ZNF536: variants seen among roughly 807,000 people sequenced by gnomAD.
ZNF536 encodes the protein zinc finger protein 536.
A neutral mutation model predicts 84.5 loss-of-function variants in ZNF536; 13 were observed. The ratio of observed to expected loss-of-function variants is 0.15; its 90% CI spans 0.10 to 0.24. The LOEUF (loss-of-function observed/expected upper bound fraction) is 0.24. Ranked by LOEUF, ZNF536 falls within the 10% of genes least tolerant of loss-of-function variation. The pLI is 1.00. For synonymous variants in ZNF536, 811 were observed against 742.5 expected, an observed-to-expected ratio of 1.09 and a Z score of -1.50; for missense variants, 1,536 against 1,747.5, an observed-to-expected ratio of 0.88 and a Z score of 2.16.
intron 2 of ZNF536, among the ~76,000 whole-genome samples, chr19:30,518,258 C>T (rs1370122433): frequency 2.0e-5 from 3 of 152,194 alleles, no homozygotes; most frequent in Non-Finnish European, 4.4e-5. Context: ...AAGGGCCAAG[C>T]ACTTACGAAG....
intron 1 of ZNF536, among the ~76,000 whole-genome samples, chr19:30,596,972 T>C (rs933511220): frequency 1.3e-5 from 2 of 152,346 alleles, no homozygotes; most frequent in Middle Eastern, 3.4e-3. Context: ...GGCTGTTTTC[T>C]TTTGCAATGC....
At chr19:30,634,582 G>A (rs576220436) in intron 1 of ZNF536, among the ~76,000 whole-genome samples, 16 of 152,186 alleles carry the variant, frequency 1.1e-4, no homozygotes, top group African/African-American at 3.9e-4. Flanking sequence ...GCTGACAGCC[G>A]GCATAATCGA....
rs537551303 is a variant in ZNF536 at position 30,299,611 on chromosome 19, G to T, written c.-120+15470G>T. ...TAAGATCACAATATGATTTTGGACTGATGATATTGGAATATGGCATTCACT... is the reference window on the plus strand; with the variant it reads ...TAAGATCACAATATGATTTTGGACTTATGATATTGGAATATGGCATTCACT... On this transcript the variant is annotated intron_variant, in intron 2 of 5. Coordinates refer to the ZNF536 transcript ENST00000585628. 5.3e-5 allele frequency among the ~76,000 whole-genome samples: 8 copies of T among 152,266 alleles called. No homozygotes were observed. In the East Asian group the frequency reaches 1.5e-3, roughly 29 times the overall value.
intron 1 of ZNF536, among the ~76,000 whole-genome samples, chr19:30,683,179 G>A (rs542591548): frequency 6.6e-6 from 1 of 152,194 alleles, no homozygotes; most frequent in African/African-American, 2.4e-5. Flanking sequence ...TGCGAGGCAG[G>A]GTTGAAAGCC....
At chr19:30,378,245 C>T (rs533134981) in intron 1 of ZNF536, among the ~76,000 whole-genome samples, 2 of 152,320 alleles carry the variant, frequency 1.3e-5, no homozygotes, top group South Asian at 4.1e-4. Context: ...TCACTGCAAA[C>T]TGCCTCCGTG....
chr19:30,446,939 G>A (rs2052381058), intron 2 of ZNF536, among the ~76,000 whole-genome samples: 1 of 152,210 alleles, frequency 6.6e-6, no homozygotes, highest in East Asian at 1.9e-4. Flanking sequence ...CTAATGGATA[G>A]TAAATTGAAA....
At chr19:30,563,531 T>C (rs951249849) in intron 1 of ZNF536, among the ~76,000 whole-genome samples, 1 of 152,224 alleles carries the variant, frequency 6.6e-6, no homozygotes, top group Non-Finnish European at 1.5e-5. Context: ...TTCTAAATGA[T>C]ACCCAGTAAT....
rs2148145686 is a variant in ZNF536, at chr19:30,443,607, G to A, written c.45G>A (p.Pro15=). The change falls in exon 2 of 5, where the codon CCG becomes CCA. Residue 15 remains proline (P), a synonymous_variant. Coordinates refer to ENST00000355537, the MANE Select transcript of ZNF536 (RefSeq NM_014717.3). ...GCCTTGGAGTGTCTTCGGCGGAGCC[G>A]GAAGCTGAGCCCCACCTGAGTGGCC... ...SLCLGVSSAE[P]EAEPHLSGPV... 22 of 1,589,868 alleles carry A rather than the reference G, an allele frequency of 1.4e-5. No individual in the cohort carries two copies. Among genetic ancestry groups the A allele is most frequent in the East Asian group, 4.5e-5 (2 of 44,770 alleles).
chr19:30,297,269 T>C (rs957457854), intron 2 of ZNF536, among the ~76,000 whole-genome samples: 1 of 152,146 alleles, frequency 6.6e-6, no homozygotes, highest in African/African-American at 2.4e-5. Flanking sequence ...CTTTTACATC[T>C]AAAAAAGGTT....
intron 2 of ZNF536, among the ~76,000 whole-genome samples, chr19:30,313,897 G>A (rs2046589919): frequency 6.6e-6 from 1 of 152,176 alleles, no homozygotes; most frequent in Admixed American, 6.5e-5. Context: ...CCTGTCCCTC[G>A]CTCCGCACTA....
intron 1 of ZNF536, among the ~76,000 whole-genome samples, chr19:30,565,167 CT>C (rs75043710): frequency 0.024 from 3,363 of 142,264 alleles, 74 homozygotes; most frequent in South Asian, 0.075. Flanking sequence ...GACCCCTTTC[CT>C]TTTTTTTTTT....
At chr19:30,571,797 T>A (rs184892867) in intron 1 of ZNF536, among the ~76,000 whole-genome samples, 2 of 152,222 alleles carry the variant, frequency 1.3e-5, no homozygotes, top group East Asian at 3.9e-4. Context: ...TTAGGGCTCA[T>A]TGAGGCCTAC....
At chr19:30,389,426 T>A (rs1053111465) in intron 1 of ZNF536, among the ~76,000 whole-genome samples, 4 of 152,040 alleles carry the variant, frequency 2.6e-5, no homozygotes, top group Non-Finnish European at 4.4e-5. Flanking sequence ...TAAAAAAAAA[T>A]TCCCTTTTTG....
chr19:30,569,447 C>G (rs1355064946), intron 1 of ZNF536, among the ~76,000 whole-genome samples: 1 of 151,706 alleles, frequency 6.6e-6, no homozygotes, highest in African/African-American at 2.4e-5. Flanking sequence ...CCTCCTGTGC[C>G]CTTTCCTGTG....
Position 30,445,852 on chromosome 19 carries a change from G to A in ZNF536, c.2170+120G>A. On this transcript the variant is annotated intron_variant, in intron 2 of 4. Transcript: ENST00000355537. This position sits in a 1 kb window ranked among gnomAD's most constrained non-coding sequence, Gnocchi z 4.5. ...CCAGTGGGTCTTGATTGAGGACAGG[G>A]GTGGGTTGGACACTGGGCCATGCCT... 7 of 1,377,256 alleles carry A rather than the reference G, an allele frequency of 5.1e-6. No homozygotes were observed. Among genetic ancestry groups the A allele is most frequent in the Non-Finnish European group, 5.8e-6 (6 of 1,038,616 alleles). The allele number at this position is 1,377,256 out of a possible 1,614,324, so 85.3% of individuals were successfully genotyped here. A position where few individuals can be genotyped will look rare whatever the true frequency, so the allele number is the denominator to read the frequency against.
intron 2 of ZNF536, among the ~76,000 whole-genome samples, chr19:30,456,284 G>A (rs982474834): frequency 1.3e-5 from 2 of 150,026 alleles, no homozygotes; most frequent in Non-Finnish European, 3.0e-5. Context: ...TCTCTGATTC[G>A]TGAACACGGG....
At chr19:30,375,593 G>A (rs1545037) in intron 1 of ZNF536, among the ~76,000 whole-genome samples, 3 of 152,018 alleles carry the variant, frequency 2.0e-5, no homozygotes, top group Non-Finnish European at 4.4e-5. Context: ...GGGACTTGGG[G>A]TGTGAGTGCC....
intron 1 of ZNF536, among the ~76,000 whole-genome samples, chr19:30,265,362 G>T (rs2025457093): frequency 6.6e-6 from 1 of 152,112 alleles, no homozygotes; most frequent in Non-Finnish European, 1.5e-5. Flanking sequence ...TCCCCCATGT[G>T]CTCTTCCAAC....
intron 2 of ZNF536, among the ~76,000 whole-genome samples, chr19:30,288,151 C>T (rs370535853): frequency 2.6e-5 from 4 of 152,156 alleles, no homozygotes; most frequent in Admixed American, 6.5e-5. Context: ...GGACTGAAGG[C>T]GTGGAGGTCA....
Sources: gnomAD v4.1 joint callset for allele counts (sites outside exome capture counted in the v4.1 genomes callset) on GRCh38, gnomAD v4.1.1 for gene constraint, Gnocchi (gnomAD v3.1) non-coding constraint, MANE v1.5 for transcripts, NCBI Gene and HGNC (gene_info 2026-07-23, HGNC 2026-07-21) for gene names.